ZNF536: variants seen among roughly 807,000 people sequenced by gnomAD.
The protein encoded by ZNF536 is zinc finger protein 536.
ZNF536 carries 13 observed loss-of-function variants against 84.5 expected under a neutral mutation model. The ratio of observed to expected loss-of-function variants is 0.15; its 90% CI spans 0.10 to 0.24. ZNF536 has a LOEUF of 0.24. ZNF536 is among the 10% of genes least tolerant of loss of function. The pLI is 1.00. For synonymous variants in ZNF536, 811 were observed against 742.5 expected (o/e 1.09, Z -1.50); for missense variants, 1,536 against 1,747.5 (o/e 0.88, Z 2.16).
At chr19:30,519,423 C>G (rs1002591427) in intron 2 of ZNF536, among the ~76,000 whole-genome samples, 1 of 152,188 alleles carries the variant, frequency 6.6e-6, no homozygotes, top group Non-Finnish European at 1.5e-5. Context: ...GGGTTGTGCT[C>G]TGGCAGTGGG....
intron 1 of ZNF536, among the ~76,000 whole-genome samples, chr19:30,278,238 C>CCTTTATCA (rs2045310042): frequency 6.6e-6 from 1 of 152,124 alleles, no homozygotes; most frequent in African/African-American, 2.4e-5. Context: ...GGGACAAGAG[C>CCTTTATCA]CTTTATCATA....
rs2148189720 is a variant in ZNF536, at chr19:30,444,582, G to A, written c.1020G>A (p.Gln340=). 1.2e-6 allele frequency: 2 copies of A among 1,613,752 alleles called. No homozygotes were observed. Among genetic ancestry groups the A allele is most frequent in the Non-Finnish European group, 1.7e-6 (2 of 1,180,026 alleles). ...QGQGPNGGGE[Q]SANEFRCEVC... is the part of the protein sequence containing the mutation. ...AGGGCCCCAACGGCGGTGGCGAGCA[G>A]TCGGCCAACGAGTTCCGCTGCGAGG... is the stretch of plus-strand genomic sequence containing the variant. The change falls in exon 2 of 5, where the codon CAG becomes CAA. Residue 340 remains glutamine (Q), a synonymous_variant. Transcript: ENST00000355537.
chr19:30,399,848 C>T (rs1055717748), intron 1 of ZNF536, among the ~76,000 whole-genome samples: 1 of 151,940 alleles, frequency 6.6e-6, no homozygotes, highest in Admixed American at 6.6e-5. Flanking sequence ...CCACCATGCC[C>T]AGCTCAATTT....
chr19:30,472,245 A>G (rs1489862015), intron 2 of ZNF536, among the ~76,000 whole-genome samples: 1 of 152,110 alleles, frequency 6.6e-6, no homozygotes, highest in African/African-American at 2.4e-5. Flanking sequence ...TGCCTTGGTA[A>G]GTTAAAATGT....
rs182751989 is a variant in ZNF536, at chr19:30,235,641, A to T, written c.-190+6968A>T. ...ACACTTATCCCTTATTGACTAGAGA[A>T]AAAAAGTAGCTTACACAATTTTTGT... On this transcript the variant is annotated intron_variant, in intron 1 of 5. Coordinates refer to the ZNF536 transcript ENST00000585628. 2.3e-4 allele frequency among the ~76,000 whole-genome samples: 35 copies of T among 152,342 alleles called. No homozygotes were observed. The East Asian group carries it at 6.8e-3, about 29-fold the overall frequency.
In ZNF536 at chr19:30,699,110, G is replaced by T. The variant is rs145925282; in HGVS notation, c.170-11647G>T. ...CCCACTCCACCATCAATATGTGGGG[G>T]TTTTTTTTTAGTACTTTCTTACTTT... On this transcript the variant is annotated intron_variant, in intron 1 of 1. Coordinates refer to the ZNF536 transcript ENST00000592773. Among the ~76,000 whole-genome samples, 461 of 151,370 alleles carry T rather than the reference G, an allele frequency of 3.0e-3. 2 individuals are homozygous for T. The highest frequency in any genetic ancestry group is 3.3e-3 in the Admixed American group (50 of 15,158).
chr19:30,500,762 C>T (rs1018033402), intron 2 of ZNF536, among the ~76,000 whole-genome samples: 1 of 152,260 alleles, frequency 6.6e-6, no homozygotes, highest in East Asian at 1.9e-4. Context: ...GGACATGAGT[C>T]TTGCAAGCCA....
At chr19:30,268,808 T>C (rs1340359546) in intron 1 of ZNF536, among the ~76,000 whole-genome samples, 1 of 152,232 alleles carries the variant, frequency 6.6e-6, no homozygotes, top group Non-Finnish European at 1.5e-5. Flanking sequence ...GAGCATGTTC[T>C]GTGCTTCTGC....
At chr19:30,593,654 C>A (rs1429858193) in intron 1 of ZNF536, among the ~76,000 whole-genome samples, 2 of 152,222 alleles carry the variant, frequency 1.3e-5, no homozygotes, top group African/African-American at 4.8e-5. Context: ...CAGAGTTTTG[C>A]TGTCTTTGTT....
At chr19:30,659,410 C>T (rs574825976) in intron 1 of ZNF536, among the ~76,000 whole-genome samples, 6 of 152,242 alleles carry the variant, frequency 3.9e-5, no homozygotes, top group African/African-American at 1.4e-4. Flanking sequence ...TAGAAACCAC[C>T]CCCATGATCC....
chr19:30,707,471 T>A (rs961874548), intron 1 of ZNF536, among the ~76,000 whole-genome samples: 1 of 152,178 alleles, frequency 6.6e-6, no homozygotes, highest in Non-Finnish European at 1.5e-5. Flanking sequence ...GCAGTCACCC[T>A]GGGGACTCCT....
chr19:30,355,739 C>T (rs2048073337), intron 3 of ZNF536, among the ~76,000 whole-genome samples: 1 of 152,088 alleles, frequency 6.6e-6, no homozygotes. Flanking sequence ...GCCTGAGCTC[C>T]ACCTCCTGTC....
At chr19:30,353,206 G>A (rs1222168058) in intron 3 of ZNF536, among the ~76,000 whole-genome samples, 2 of 152,102 alleles carry the variant, frequency 1.3e-5, no homozygotes, top group Non-Finnish European at 2.9e-5. Context: ...CCGGGTTCCG[G>A]TATTAAGAAT....
intron 1 of ZNF536, among the ~76,000 whole-genome samples, chr19:30,565,376 G>A (rs576229608): frequency 7.9e-5 from 12 of 152,114 alleles, no homozygotes; most frequent in Non-Finnish European, 1.3e-4. Flanking sequence ...GCCTGCTACC[G>A]GACTTGTTCC....
At chr19:30,282,443 T>G (rs564033631) in intron 1 of ZNF536, among the ~76,000 whole-genome samples, 58 of 152,326 alleles carry the variant, frequency 3.8e-4, no homozygotes, top group Non-Finnish European at 7.2e-4. Context: ...ATCAATGGCG[T>G]GAAGCTGGAC....
rs1011301635 is a variant in ZNF536 at position 30,228,724 on chromosome 19, CG to C, written c.-190+54del. 18 of 151,164 alleles carry C rather than the reference CG, an allele frequency of 1.2e-4. No individual in the cohort carries two copies. Among genetic ancestry groups the C allele is most frequent in the African/African-American group, 4.4e-4 (18 of 41,292 alleles). The allele number at this position is 151,164 out of a possible 1,614,324, so 9.4% of individuals were successfully genotyped here. A position where few individuals can be genotyped will look rare whatever the true frequency, so the allele number is the denominator to read the frequency against. ...GCGCCCCGGGGTGAGCGCGCAAAGCCGGGAGCGAGGTGCCGCGAGCTGCGCG... is the reference window on the plus strand; with the variant it reads ...GCGCCCCGGGGTGAGCGCGCAAAGCCGGAGCGAGGTGCCGCGAGCTGCGCG... On this transcript the variant is annotated intron_variant, in intron 1 of 5. Coordinates refer to the ZNF536 transcript ENST00000585628. The surrounding 1 kb of genome is among the most constrained non-coding windows in gnomAD (Gnocchi z 4.5).
intron 1 of ZNF536, among the ~76,000 whole-genome samples, chr19:30,264,043 A>T (rs1051008427): frequency 6.6e-6 from 1 of 152,212 alleles, no homozygotes; most frequent in Non-Finnish European, 1.5e-5. Context: ...AATAAGCATA[A>T]TCAGATCTTT....
chr19:30,392,510 C>T (rs1391328995), intron 1 of ZNF536, among the ~76,000 whole-genome samples: 2 of 152,144 alleles, frequency 1.3e-5, no homozygotes, highest in Non-Finnish European at 2.9e-5. Context: ...CTGGTTACTC[C>T]GAGCTGCCAA....
chr19:30,264,966 T>TGAGAGAGAGA lies in ZNF536; in HGVS notation c.-189-19099_-189-19090dup, dbSNP rs142750589. Among the ~76,000 whole-genome samples the TGAGAGAGAGA allele has an allele frequency of 6.4e-3, 863 of 133,818 alleles. 8 individuals are homozygous for TGAGAGAGAGA. The highest frequency in any genetic ancestry group is 0.02 in the African/African-American group (665 of 33,762). 87.8% of individuals were successfully genotyped at this position (133,818 alleles called of 152,430 possible). A position where few individuals can be genotyped will look rare whatever the true frequency, so the allele number is the denominator to read the frequency against. ...GTGTGTGTGTGTGTGTGTGTGTGTG[T>TGAGAGAGAGA]GAGAGAGAGAGAGAGAAAGAGAGAT... On this transcript the variant is annotated intron_variant, in intron 1 of 5. Coordinates refer to the ZNF536 transcript ENST00000585628.
Sources: allele counts gnomAD v4.1 joint callset (sites outside exome capture counted in the v4.1 genomes callset), GRCh38; gene constraint gnomAD v4.1.1; non-coding constraint Gnocchi (gnomAD v3.1); transcripts MANE v1.5; gene names NCBI Gene and HGNC (gene_info 2026-07-23, HGNC 2026-07-21).